CACNA2D1: variants seen among roughly 807,000 people sequenced by gnomAD.
CACNA2D1 encodes calcium voltage-gated channel auxiliary subunit alpha2delta 1, also known as voltage-dependent calcium channel subunit alpha-2/delta-1.
In CACNA2D1, 53 loss-of-function variants were observed where a neutral mutation model predicts 171.5. The observed-to-expected ratio is 0.31, with a 90% CI of 0.25 to 0.39. CACNA2D1 has a LOEUF of 0.39. Ranked by LOEUF, CACNA2D1 falls within the 10% of genes least tolerant of loss-of-function variation. CACNA2D1 has a pLI of 1.00. For synonymous variants in CACNA2D1, 442 were observed against 443.1 expected (o/e 1.00, Z 0.03); for missense variants, 903 against 1,299.8 (o/e 0.69, Z 4.69).
chr7:81,998,757 A>G (rs1490644371), intron 18 of CACNA2D1, among the ~76,000 whole-genome samples: 7 of 152,250 alleles, frequency 4.6e-5, no homozygotes, highest in African/African-American at 1.7e-4. Flanking sequence ...CAGTATTGGT[A>G]AGATACTGAT....
intron 4 of CACNA2D1, among the ~76,000 whole-genome samples, chr7:82,166,574 A>G (rs1795475465): frequency 6.6e-6 from 1 of 152,080 alleles, no homozygotes; most frequent in South Asian, 2.1e-4. Context: ...ATGCAATTGG[A>G]AAAGATCTGT....
At chr7:82,060,190 T>TG (rs1491114373) in intron 10 of CACNA2D1, among the ~76,000 whole-genome samples, 3 of 13,128 alleles carry the variant, frequency 2.3e-4, no homozygotes, top group African/African-American at 2.9e-4. Flanking sequence ...TATATATATA[T>TG]TATATATATA....
rs956966352 is a variant in CACNA2D1 at position 81,950,456 on chromosome 7, T to C, written c.3212A>G (p.Tyr1071Cys). 2.2e-5 allele frequency: 35 copies of C among 1,612,920 alleles called. No homozygotes were observed. The highest frequency in any genetic ancestry group is 2.8e-5 in the Non-Finnish European group (33 of 1,179,594). Residue 1071 changes from tyrosine to cysteine, a missense_variant, in exon 39 of 39, where the codon TAT becomes TGT. Coordinates refer to ENST00000356860, the MANE Select transcript of CACNA2D1 (RefSeq NM_000722.4). Reference sequence around the variant, plus strand: ...TAGTAGAAACTGGATTCCAATGATATACCACAGGGAGGGATTTAATCCAGA... The same window carrying C: ...TAGTAGAAACTGGATTCCAATGATACACCACAGGGAGGGATTTAATCCAGA... ...GVSGLNPSLW[Y>C]IIGIQFLLLW...
chr7:82,156,557 T>C (rs970471045), intron 4 of CACNA2D1, among the ~76,000 whole-genome samples: 1 of 151,948 alleles, frequency 6.6e-6, no homozygotes, highest in African/African-American at 2.4e-5. Flanking sequence ...AAATTATATA[T>C]CCTCCCCATT....
At chr7:82,142,720 C>A (rs1354605629) in intron 4 of CACNA2D1, among the ~76,000 whole-genome samples, 1 of 152,114 alleles carries the variant, frequency 6.6e-6, no homozygotes, top group Admixed American at 6.6e-5. Flanking sequence ...CTGATAAAGT[C>A]ACTTTTACAA....
At chr7:82,263,402 C>A (rs1401231415) in intron 3 of CACNA2D1, among the ~76,000 whole-genome samples, 3 of 152,116 alleles carry the variant, frequency 2.0e-5, no homozygotes, top group Non-Finnish European at 4.4e-5. Flanking sequence ...TGAGCCACCA[C>A]ACCTGGCTAA....
intron 4 of CACNA2D1, among the ~76,000 whole-genome samples, chr7:82,146,325 T>TGC (rs1486797810): frequency 1.4e-5 from 2 of 146,926 alleles, no homozygotes; most frequent in East Asian, 4.0e-4. Flanking sequence ...TGTGTGTGTG[T>TGC]GCGTGTGTGT....
intron 4 of CACNA2D1, among the ~76,000 whole-genome samples, chr7:82,143,465 A>G (rs755725384): frequency 1.3e-5 from 2 of 152,136 alleles, no homozygotes; most frequent in African/African-American, 2.4e-5. Flanking sequence ...TTATAATTTT[A>G]TTTTCTTAGA....
At chr7:82,323,987 T>C (rs1266574328) in intron 3 of CACNA2D1, among the ~76,000 whole-genome samples, 6 of 152,186 alleles carry the variant, frequency 3.9e-5, no homozygotes, top group African/African-American at 1.4e-4. Flanking sequence ...TTTGTTCAAA[T>C]ACTCATTTAG....
intron 3 of CACNA2D1, among the ~76,000 whole-genome samples, chr7:82,238,310 T>C (rs928314814): frequency 6.6e-6 from 1 of 152,040 alleles, no homozygotes; most frequent in African/African-American, 2.4e-5. Flanking sequence ...ACCAATCATC[T>C]ACAACATAGG....
intron 3 of CACNA2D1, among the ~76,000 whole-genome samples, chr7:82,268,981 G>T (rs118103297): frequency 1.2e-3 from 185 of 152,254 alleles, no homozygotes; most frequent in Middle Eastern, 6.8e-3. Context: ...GATAGGAAAT[G>T]CAAACAGTTT....
chr7:82,330,626 T>C (rs1280004323), intron 3 of CACNA2D1, among the ~76,000 whole-genome samples: 4 of 152,230 alleles, frequency 2.6e-5, no homozygotes, highest in Middle Eastern at 3.4e-3. Context: ...AAATACCATA[T>C]ATTTTCTTTC....
chr7:82,394,555 G>T (rs1825573072), intron 1 of CACNA2D1, among the ~76,000 whole-genome samples: 1 of 152,122 alleles, frequency 6.6e-6, no homozygotes, highest in Admixed American at 6.5e-5. Context: ...TTTTTTGAGA[G>T]TTGTACCTTG....
At chr7:82,264,029 A>C (rs1463516266) in intron 3 of CACNA2D1, among the ~76,000 whole-genome samples, 1 of 152,154 alleles carries the variant, frequency 6.6e-6, no homozygotes, top group African/African-American at 2.4e-5. Context: ...TAAGCCCATA[A>C]ACTCATTCTA....
chr7:82,171,659 G>A (rs1322184318), intron 3 of CACNA2D1, among the ~76,000 whole-genome samples: 1 of 152,100 alleles, frequency 6.6e-6, no homozygotes, highest in Non-Finnish European at 1.5e-5. Context: ...AAGAGTAATG[G>A]TTCTGTTTTC....
intron 10 of CACNA2D1, among the ~76,000 whole-genome samples, chr7:82,049,020 T>C (rs1232968991): frequency 2.6e-5 from 4 of 151,722 alleles, no homozygotes; most frequent in Non-Finnish European, 5.9e-5. Context: ...AAAAACTTAG[T>C]GTACCATGTA....
At chr7:82,291,187 G>GATATAGAATTATAATTCTATATCA (rs1811506506) in intron 3 of CACNA2D1, among the ~76,000 whole-genome samples, 1 of 105,374 alleles carries the variant, frequency 9.5e-6, no homozygotes. Context: ...ATTCTATATC[G>GATATAGAATTATAATTCTATATCA]ATATAGAATT....
At chr7:81,952,764 T>C (rs376524042) in intron 38 of CACNA2D1, among the ~76,000 whole-genome samples, 13 of 152,208 alleles carry the variant, frequency 8.5e-5, no homozygotes, top group Admixed American at 6.6e-4. Context: ...TAATCCCCAG[T>C]CCTATGGCTT....
At chr7:82,060,568 G>A (rs774119113) in intron 9 of CACNA2D1, 41 bp from the exon 10 acceptor site, 1 of 1,151,780 alleles carries the variant, frequency 8.7e-7, no homozygotes, top group Non-Finnish European at 1.3e-6. Flanking sequence ...TACTCATCAT[G>A]TATTTAATCA....
Sources: allele counts gnomAD v4.1 joint callset (sites outside exome capture counted in the v4.1 genomes callset), GRCh38; gene constraint gnomAD v4.1.1; transcripts MANE v1.5; gene names NCBI Gene and HGNC (gene_info 2026-07-23, HGNC 2026-07-21).